The following EPB41L5 variants were observed in gnomAD, a reference collection of about 807,000 sequenced individuals.
EPB41L5 encodes the protein band 4.1-like protein 5.
A neutral mutation model predicts 106.6 loss-of-function variants in EPB41L5; 55 were observed. That is an observed-to-expected ratio of 0.52 (90% CI 0.42 to 0.65). EPB41L5 has a LOEUF of 0.65. Ranked by LOEUF, EPB41L5 falls within the 30% of genes least tolerant of loss-of-function variation. EPB41L5 has a pLI of 0.00. For synonymous variants in EPB41L5, 297 were observed against 306.7 expected, an observed-to-expected ratio of 0.97 and a Z score of 0.33; for missense variants, 871 against 882.1, an observed-to-expected ratio of 0.99 and a Z score of 0.16.
chr2:120,167,645 CT>C, intron 23 of EPB41L5, 138 bp downstream of exon 23: 1 of 1,056,160 alleles, frequency 9.5e-7, no homozygotes, highest in South Asian at 1.5e-5. Flanking sequence ...AACTTAATGG[CT>C]TCAAGCTAGT....
intron 18 of EPB41L5, among the ~76,000 whole-genome samples, chr2:120,141,221 C>T (rs1449987914): frequency 2.0e-5 from 3 of 152,078 alleles, no homozygotes; most frequent in African/African-American, 7.2e-5. Flanking sequence ...AATTCGCAGA[C>T]GAGTGGAATG....
chr2:120,094,727 AT>A (rs1683630460), intron 14 of EPB41L5, among the ~76,000 whole-genome samples: 1 of 152,122 alleles, frequency 6.6e-6, no homozygotes, highest in Non-Finnish European at 1.5e-5. Flanking sequence ...CACTGCTTTA[AT>A]TCAATAAGTT....
intron 16 of EPB41L5, among the ~76,000 whole-genome samples, chr2:120,115,109 TAC>T (rs930463046): frequency 2.6e-5 from 4 of 152,206 alleles, no homozygotes; most frequent in African/African-American, 9.6e-5. Context: ...GTTTGGATGG[TAC>T]ATTTTTTCCT....
intron 2 of EPB41L5, among the ~76,000 whole-genome samples, chr2:120,032,359 C>A (rs1678770925): frequency 6.6e-6 from 1 of 152,048 alleles, no homozygotes; most frequent in Admixed American, 6.6e-5. Context: ...GCCTGGGCAA[C>A]AAGAGTGAAA....
At position 120,164,464 on chromosome 2, in the gene EPB41L5, G is replaced by A. The variant is rs563370568; in HGVS notation, c.1888-372G>A. Among the ~76,000 whole-genome samples the A allele has an allele frequency of 2.2e-3, 336 of 152,142 alleles. 1 individual carries two copies. The highest frequency in any genetic ancestry group is 4.0e-3 in the Non-Finnish European group (269 of 67,998). ...TGGGCTCAAGGGATCCTCCCGCCTT[G>A]GCCTCTCAGAGCGCTAGGATTACAG... On this transcript the variant is annotated intron_variant, in intron 21 of 24. Transcript: ENST00000263713.
chr2:120,121,892 C>T (rs1325536053), intron 16 of EPB41L5, among the ~76,000 whole-genome samples: 1 of 152,162 alleles, frequency 6.6e-6, no homozygotes, highest in African/African-American at 2.4e-5. Context: ...GAGATGGGAT[C>T]TCATTGTGGT....
intron 2 of EPB41L5, among the ~76,000 whole-genome samples, chr2:120,038,344 T>C (rs1679176495): frequency 6.6e-6 from 1 of 152,186 alleles, no homozygotes; most frequent in Non-Finnish European, 1.5e-5. Flanking sequence ...ACCTATCAAG[T>C]GGCTGGTTTT....
intron 24 of EPB41L5, among the ~76,000 whole-genome samples, chr2:120,171,191 A>G (rs1482395339): frequency 3.9e-5 from 6 of 152,198 alleles, no homozygotes; most frequent in Non-Finnish European, 8.8e-5. Flanking sequence ...ATAAGTGGTA[A>G]CCAGTTTAGC....
chr2:120,128,169 A>AG, intron 17 of EPB41L5: 1 of 171,528 alleles, frequency 5.8e-6, no homozygotes, highest in South Asian at 1.8e-4. Context: ...ACATCCCATT[A>AG]GCTGTTAGAA....
At chr2:120,134,277 A>C (rs1685826974) in intron 18 of EPB41L5, among the ~76,000 whole-genome samples, 1 of 151,994 alleles carries the variant, frequency 6.6e-6, no homozygotes. Context: ...CAGTAAAATA[A>C]AGTACTGAGT....
chr2:120,093,360 A>G (rs1022699947), intron 14 of EPB41L5, 84 bp downstream of exon 14: 32 of 1,129,838 alleles, frequency 2.8e-5, no homozygotes, highest in African/African-American at 6.1e-5. Flanking sequence ...TTTAAGACCT[A>G]TCAAAATGTC....
intron 16 of EPB41L5, among the ~76,000 whole-genome samples, chr2:120,122,632 T>A (rs1685273446): frequency 6.6e-6 from 1 of 152,222 alleles, no homozygotes; most frequent in Non-Finnish European, 1.5e-5. Flanking sequence ...TTTGTTCTTT[T>A]TGCTTAGGAT....
At chr2:120,017,541 TTG>T (rs1428802564) in intron 1 of EPB41L5, among the ~76,000 whole-genome samples, 1 of 152,240 alleles carries the variant, frequency 6.6e-6, no homozygotes, top group Non-Finnish European at 1.5e-5. Context: ...GACTTTGATT[TTG>T]TGTTTCCATT....
Position 120,178,851 on chromosome 2 carries a change from C to T in EPB41L5, c.*3944C>T, listed in dbSNP as rs1688003572. The T allele has an allele frequency of 6.6e-6, 1 of 152,168 alleles. No individual in the cohort carries two copies. The highest frequency in any genetic ancestry group is 1.5e-5 in the Non-Finnish European group (1 of 68,024). 9.4% of individuals were successfully genotyped at this position (152,168 alleles called of 1,614,324 possible). ...TCTTCAGAGAGATTTTTTTTTATAG[C>T]ACAGATTCCTTTGCCCCTTTTATCT... On this transcript the variant is annotated 3_prime_UTR_variant, in exon 25 of 25. Transcript: ENST00000263713.
chr2:120,169,382 A>AAACTT (rs759263221), intron 24 of EPB41L5, among the ~76,000 whole-genome samples: 1 of 152,252 alleles, frequency 6.6e-6, no homozygotes, highest in African/African-American at 2.4e-5. Flanking sequence ...ATCAGATAAT[A>AAACTT]AACTTATAGA....
intron 20 of EPB41L5, 112 bp from the exon 21 acceptor site, chr2:120,160,769 A>G (rs1687105089): frequency 4.2e-6 from 3 of 708,966 alleles, no homozygotes; most frequent in Non-Finnish European, 7.3e-6. Flanking sequence ...ATTTTTTCAT[A>G]TACCTTCCCC....
chr2:120,084,360 A>G (rs1471648342), intron 10 of EPB41L5, among the ~76,000 whole-genome samples: 3 of 152,006 alleles, frequency 2.0e-5, no homozygotes, highest in Non-Finnish European at 1.5e-5. Flanking sequence ...TCTGTAAACT[A>G]TTTTATTTCT....
intron 3 of EPB41L5, among the ~76,000 whole-genome samples, chr2:120,067,911 T>A (rs1681556436): frequency 6.6e-6 from 1 of 152,150 alleles, no homozygotes; most frequent in African/African-American, 2.4e-5. Flanking sequence ...GTGAGGGAAA[T>A]AAGGGCAAAA....
chr2:120,035,477 C>T (rs1678987203), intron 2 of EPB41L5, among the ~76,000 whole-genome samples: 2 of 152,154 alleles, frequency 1.3e-5, no homozygotes, highest in African/African-American at 4.8e-5. Context: ...TTGCTTAGAA[C>T]AGTGCCTGGC....
Sources: allele counts gnomAD v4.1 joint callset (sites outside exome capture counted in the v4.1 genomes callset), GRCh38; gene constraint gnomAD v4.1.1; transcripts MANE v1.5; gene names NCBI Gene and HGNC (gene_info 2026-07-23, HGNC 2026-07-21).